SLC41A2: variants seen among roughly 807,000 people sequenced by gnomAD.
SLC41A2 encodes SLC41A1-like 1.
SLC41A2 carries 32 observed loss-of-function variants against 58.3 expected under a neutral mutation model. The ratio of observed to expected loss-of-function variants is 0.55; its 90% CI spans 0.41 to 0.74. SLC41A2 has a LOEUF of 0.74. SLC41A2 is among the 30% of genes least tolerant of loss of function. The pLI, the probability that SLC41A2 is intolerant of heterozygous loss-of-function variation, is 0.00. For synonymous variants in SLC41A2, 190 were observed against 235.0 expected (o/e 0.81, Z 1.75); for missense variants, 514 against 680.6 (o/e 0.76, Z 2.72).
chr12:104,914,513 T>C (rs1227656159), intron 2 of SLC41A2, among the ~76,000 whole-genome samples: 1 of 152,324 alleles, frequency 6.6e-6, no homozygotes, highest in Admixed American at 6.5e-5. Flanking sequence ...TGGAGTGTGA[T>C]CTAATGTTGA....
At chr12:104,853,903 C>A (rs548619868) in intron 8 of SLC41A2, among the ~76,000 whole-genome samples, 97 of 75,066 alleles carry the variant, frequency 1.3e-3, no homozygotes, top group African/African-American at 4.2e-3. Flanking sequence ...TGTCACCATG[C>A]CTGGCTGATT....
intron 3 of SLC41A2, among the ~76,000 whole-genome samples, chr12:104,909,295 T>A (rs1326937922): frequency 1.3e-5 from 2 of 152,200 alleles, no homozygotes; most frequent in Non-Finnish European, 2.9e-5. Context: ...CCCTTTTCTG[T>A]AGTTTTTATA....
intron 6 of SLC41A2, among the ~76,000 whole-genome samples, chr12:104,881,427 C>A (rs552183507): frequency 1.3e-5 from 2 of 152,328 alleles, no homozygotes; most frequent in South Asian, 4.1e-4. Flanking sequence ...AATTTTAGAT[C>A]TTTCCTGCTT....
At chr12:104,834,216 G>T (rs959892324) in intron 10 of SLC41A2, 2 of 983,710 alleles carry the variant, frequency 2.0e-6, no homozygotes, top group African/African-American at 1.7e-5. Context: ...ATTTAGAAAG[G>T]TGTCTCAATT....
Position 104,803,288 on chromosome 12 carries a change from T to G in SLC41A2, c.*1864A>C, listed in dbSNP as rs116887459. ...AGTAAAAAATCTTTGCAGCTAAATATTCATCAACTTAAACTTATTCTTTCT... is the reference window on the plus strand; with the variant it reads ...AGTAAAAAATCTTTGCAGCTAAATAGTCATCAACTTAAACTTATTCTTTCT... On this transcript the variant is annotated 3_prime_UTR_variant, in exon 11 of 11. Transcript: ENST00000258538. The G allele has an allele frequency of 6.6e-6, 1 of 152,260 alleles. No individual in the cohort carries two copies. The highest frequency in any genetic ancestry group is 2.4e-5 in the African/African-American group (1 of 41,564). 9.4% of individuals were successfully genotyped at this position (152,260 alleles called of 1,614,324 possible). A position where few individuals can be genotyped will look rare whatever the true frequency, so the allele number is the denominator to read the frequency against.
chr12:104,863,753 C>T (rs940161212), intron 7 of SLC41A2, among the ~76,000 whole-genome samples: 1 of 152,074 alleles, frequency 6.6e-6, no homozygotes, highest in Non-Finnish European at 1.5e-5. Context: ...TGGTGAAATA[C>T]TTAGGGTTGA....
At chr12:104,918,419 T>G (rs1284436913) in intron 2 of SLC41A2, among the ~76,000 whole-genome samples, 1 of 152,108 alleles carries the variant, frequency 6.6e-6, no homozygotes, top group Admixed American at 6.6e-5. Context: ...ACTCGGCAGA[T>G]TAATTATGAT....
chr12:104,815,360 C>T (rs1401456285), intron 10 of SLC41A2, among the ~76,000 whole-genome samples: 16 of 152,208 alleles, frequency 1.1e-4, no homozygotes, highest in Admixed American at 9.2e-4. Flanking sequence ...TGCATAACCT[C>T]TCTAGGTAAA....
chr12:104,805,567 T>C (rs1030669989), intron 10 of SLC41A2, among the ~76,000 whole-genome samples: 1 of 152,230 alleles, frequency 6.6e-6, no homozygotes, highest in Non-Finnish European at 1.5e-5. Context: ...TTCATATAGA[T>C]CTCATTCTAG....
Position 104,955,016 on chromosome 12 carries a change from C to CTTTTTTT in SLC41A2, c.-168+3065_-168+3071dup, listed in dbSNP as rs375969264. 7.3e-4 allele frequency among the ~76,000 whole-genome samples: 58 copies of CTTTTTTT among 79,146 alleles called. 1 individual carries two copies. Among genetic ancestry groups the CTTTTTTT allele is most frequent in the African/African-American group, 1.0e-3 (20 of 19,242 alleles). The allele number at this position is 79,146 out of a possible 152,430, so 51.9% of individuals were successfully genotyped here. A position where few individuals can be genotyped will look rare whatever the true frequency, so the allele number is the denominator to read the frequency against. ...AACAGCCCCTGACTCTTGGCCCTTGCTTTTTTTTTTTTTTTTTTTTTTTTG... is the reference window on the plus strand; with the variant it reads ...AACAGCCCCTGACTCTTGGCCCTTGCTTTTTTTTTTTTTTTTTTTTTTTTTTTTTTTG... On this transcript the variant is annotated intron_variant, in intron 1 of 10. Coordinates refer to ENST00000258538, the MANE Select transcript of SLC41A2 (RefSeq NM_001352171.3).
intron 6 of SLC41A2, among the ~76,000 whole-genome samples, chr12:104,870,634 G>A (rs112258996): frequency 9.9e-5 from 15 of 152,230 alleles, no homozygotes; most frequent in African/African-American, 2.9e-4. Flanking sequence ...GGTTCAAATC[G>A]CTCTGATGCC....
intron 8 of SLC41A2, among the ~76,000 whole-genome samples, chr12:104,854,049 C>T (rs73399925): frequency 0.025 from 3,707 of 151,056 alleles, 99 homozygotes; most frequent in East Asian, 0.15. Context: ...AGTGAGCCAG[C>T]GTGCTCAGCC....
At chr12:104,856,744 A>G (rs1428991413) in intron 8 of SLC41A2, among the ~76,000 whole-genome samples, 1 of 152,110 alleles carries the variant, frequency 6.6e-6, no homozygotes, top group Non-Finnish European at 1.5e-5. Flanking sequence ...TAGGGGTGAA[A>G]GAAGTTAAAA....
At chr12:104,940,407 T>C (rs918425544) in intron 1 of SLC41A2, among the ~76,000 whole-genome samples, 1 of 151,194 alleles carries the variant, frequency 6.6e-6, no homozygotes, top group African/African-American at 2.4e-5. Context: ...AAATGACGAG[T>C]TAATGGGTGC....
intron 1 of SLC41A2, among the ~76,000 whole-genome samples, chr12:104,955,756 GTT>G (rs56954607): frequency 3.0e-4 from 44 of 144,772 alleles, no homozygotes; most frequent in Non-Finnish European, 2.9e-4. Context: ...CTTTTTAGTG[GTT>G]TTTTTTTTTT....
At chr12:104,893,250 A>C (rs2045106498) in intron 4 of SLC41A2, among the ~76,000 whole-genome samples, 2 of 152,210 alleles carry the variant, frequency 1.3e-5, no homozygotes, top group Admixed American at 6.5e-5. Flanking sequence ...GTCATATGAA[A>C]AGGTGCTCAA....
intron 6 of SLC41A2, among the ~76,000 whole-genome samples, chr12:104,874,132 G>A (rs1296179216): frequency 6.8e-6 from 1 of 146,322 alleles, no homozygotes; most frequent in Admixed American, 6.9e-5. Context: ...AGAGTGCAGT[G>A]GCGCAATCTT....
chr12:104,814,383 T>G (rs970859083), intron 10 of SLC41A2, among the ~76,000 whole-genome samples: 2 of 152,088 alleles, frequency 1.3e-5, no homozygotes, highest in African/African-American at 2.4e-5. Context: ...AGATTGTGTC[T>G]CACAACAAAC....
At chr12:104,901,076 G>A (rs2045536187) in intron 3 of SLC41A2, among the ~76,000 whole-genome samples, 1 of 152,194 alleles carries the variant, frequency 6.6e-6, no homozygotes, top group African/African-American at 2.4e-5. Context: ...AATTCAGATA[G>A]TCAATTAAGT....
Sources: allele counts gnomAD v4.1 joint callset (sites outside exome capture counted in the v4.1 genomes callset), GRCh38; gene constraint gnomAD v4.1.1; transcripts MANE v1.5; gene names NCBI Gene and HGNC (gene_info 2026-07-23, HGNC 2026-07-21).